The following GTF3C3 variants were observed in gnomAD, a reference collection of about 807,000 sequenced individuals.
GTF3C3 encodes general transcription factor 3C polypeptide 3.
A neutral mutation model predicts 105.2 loss-of-function variants in GTF3C3; 75 were observed. That is an observed-to-expected ratio of 0.71 (90% CI 0.59 to 0.86). GTF3C3 has a LOEUF of 0.86. Among genes scored for constraint, GTF3C3 ranks in the 40% least tolerant of loss-of-function variants. The pLI, the probability that GTF3C3 is intolerant of heterozygous loss-of-function variation, is 0.00. For missense variants in GTF3C3, 856 were observed against 1,076.5 expected, an observed-to-expected ratio of 0.80 and a Z score of 2.87; for synonymous variants, 335 against 370.4, an observed-to-expected ratio of 0.90 and a Z score of 1.10.
rs769931822 is a variant in GTF3C3, at chr2:196,775,148, T to C, written c.1799A>G (p.Asn600Ser). Residue 600 changes from asparagine to serine, a missense_variant, in exon 13 of 18, where the codon AAT becomes AGT. By Grantham distance (46) the Asn-to-Ser change is conservative (BLOSUM62 1). Coordinates refer to ENST00000263956, the MANE Select transcript of GTF3C3 (RefSeq NM_012086.5). Reference sequence around the variant, plus strand: ...ATCACAATTTGCTGACTCTTGGTCATTGCTGTCTGATATTTTGTCTCTCGA... The same window carrying C: ...ATCACAATTTGCTGACTCTTGGTCACTGCTGTCTGATATTTTGTCTCTCGA... ...KVSRDKISDS[N>S]DQESANCDAK... 3.7e-6 allele frequency: 6 copies of C among 1,613,182 alleles called. No homozygotes were observed. The highest frequency in any genetic ancestry group is 1.1e-5 in the South Asian group (1 of 91,012).
chr2:196,772,641 G>A (rs949750727), intron 14 of GTF3C3, among the ~76,000 whole-genome samples: 1 of 152,154 alleles, frequency 6.6e-6, no homozygotes, highest in African/African-American at 2.4e-5. Flanking sequence ...CCTATGAGAT[G>A]GCAGTATTAT....
At position 196,799,661 on chromosome 2, in the gene GTF3C3, A is replaced by T; in HGVS notation, c.-50T>A. The stretch of plus-strand genomic sequence containing the variant: ...CCCAGGAACCGGGACAGAGAACCGG[A>T]AGAGCAGCGCCTTCCAGAAGCTACC... On this transcript the variant is annotated 5_prime_UTR_variant, in exon 1 of 18. Coordinates refer to ENST00000263956, the MANE Select transcript of GTF3C3 (RefSeq NM_012086.5). 7.4e-7 allele frequency: 1 copy of T among 1,349,332 alleles called. No individual in the cohort carries two copies. Among genetic ancestry groups the T allele is most frequent in the Non-Finnish European group, 1.1e-6 (1 of 940,460 alleles). 83.6% of individuals were successfully genotyped at this position (1,349,332 alleles called of 1,614,324 possible). A position where few individuals can be genotyped will look rare whatever the true frequency, so the allele number is the denominator to read the frequency against.
In GTF3C3 at chr2:196,764,532, C is replaced by T; in HGVS notation, c.*31G>A. 6.3e-7 allele frequency: 1 copy of T among 1,591,104 alleles called. No individual in the cohort carries two copies. The highest frequency in any genetic ancestry group is 8.6e-7 in the Non-Finnish European group (1 of 1,165,700). ...GAAGACACTGGTCCTCACACAGCAG[C>T]TGCCATTGCTCTGTTCTCAGTTGCG... is the stretch of plus-strand genomic sequence containing the variant. On this transcript the variant is annotated 3_prime_UTR_variant, in exon 18 of 18. Transcript: ENST00000263956.
rs763649523 is a variant in GTF3C3, at chr2:196,776,407, C to A, written c.1593+20G>T. On this transcript the variant is annotated intron_variant, in intron 11 of 17. Transcript: ENST00000263956. The surrounding 1 kb of genome is among the most constrained non-coding windows in gnomAD (Gnocchi z 4.5). Reference sequence around the variant, plus strand: ...ATATAATATACCAAGAAAAACTTCCCTCTATGTGACATGGCCCACCTGCTG... The same window carrying A: ...ATATAATATACCAAGAAAAACTTCCATCTATGTGACATGGCCCACCTGCTG... 1.3e-6 allele frequency: 2 copies of A among 1,597,558 alleles called. No individual in the cohort carries two copies.
chr2:196,778,778 C>G, intron 10 of GTF3C3, 118 bp downstream of exon 10: 1 of 899,746 alleles, frequency 1.1e-6, no homozygotes. Context: ...TACTGACTTT[C>G]AAAAAACTCC....
chr2:196,771,346 A>G (rs1699171684), intron 15 of GTF3C3, among the ~76,000 whole-genome samples: 2 of 151,780 alleles, frequency 1.3e-5, no homozygotes, highest in East Asian at 1.9e-4. Context: ...AAAAGCATCC[A>G]TAATTAATGA....
At chr2:196,766,494 T>C (rs112897648) in intron 17 of GTF3C3, 71 bp downstream of exon 17, 1 of 1,150,352 alleles carries the variant, frequency 8.7e-7, no homozygotes, top group Non-Finnish European at 1.3e-6. Flanking sequence ...ATTTACTGGC[T>C]GGACTTAGCT....
At chr2:196,780,201 G>A in intron 9 of GTF3C3, 1 of 847,896 alleles carries the variant, frequency 1.2e-6, no homozygotes, top group African/African-American at 1.9e-5. Context: ...GGTTTACAAA[G>A]TAGATGCTAA....
At chr2:196,781,357 A>ATATCTATATATATATAT (rs1553578902) in intron 8 of GTF3C3, among the ~76,000 whole-genome samples, 1 of 18,812 alleles carries the variant, frequency 5.3e-5, no homozygotes, top group Non-Finnish European at 1.5e-4. Flanking sequence ...AAAAAAAAAA[A>ATATCTATATATATATAT]ATATATATAT....
At position 196,780,795 on chromosome 2, in the gene GTF3C3, T is replaced by TA. The variant is rs1156348589; in HGVS notation, c.1115-134dup. ...TTCTTAGTGTGGCCAACTCTATTAATAAGTTCTTATATCTCTCTCAGTCTG... is the reference window on the plus strand; with the variant it reads ...TTCTTAGTGTGGCCAACTCTATTAATAAAGTTCTTATATCTCTCTCAGTCTG... On this transcript the variant is annotated intron_variant, in intron 8 of 17. Transcript: ENST00000263956. The TA allele has an allele frequency of 1.3e-5, 13 of 1,036,878 alleles. No homozygotes were observed. In the African/African-American group the frequency reaches 1.6e-4, roughly 13 times the overall value. The allele number at this position is 1,036,878 out of a possible 1,614,324, so 64.2% of individuals were successfully genotyped here.
chr2:196,781,357 A>AATATATATATATATATATAT (rs1553578901), intron 8 of GTF3C3, among the ~76,000 whole-genome samples: 12 of 18,804 alleles, frequency 6.4e-4, no homozygotes, highest in Admixed American at 2.0e-3. Flanking sequence ...AAAAAAAAAA[A>AATATATATATATATATATAT]ATATATATAT....
intron 10 of GTF3C3, chr2:196,777,549 A>G (rs992082231): frequency 2.0e-5 from 3 of 152,156 alleles, no homozygotes; most frequent in Admixed American, 1.3e-4. Flanking sequence ...TGCTTTTTCA[A>G]ATCTCTCCTG....
At chr2:196,775,314 C>A in intron 12 of GTF3C3, 63 bp from the exon 13 acceptor site, 1 of 1,461,724 alleles carries the variant, frequency 6.8e-7, no homozygotes, top group Non-Finnish European at 9.3e-7. Context: ...GAGACAAAGT[C>A]TTGTTATGTT....
Position 196,793,961 on chromosome 2 carries a change from AT to A in GTF3C3, c.215-810del, listed in dbSNP as rs1438336875. Among the ~76,000 whole-genome samples the A allele has an allele frequency of 3.3e-5, 5 of 152,306 alleles. No homozygotes were observed. The East Asian group carries it at 9.6e-4, about 29-fold the overall frequency. On this transcript the variant is annotated intron_variant, in intron 2 of 17. Transcript: ENST00000263956. ...AATATCTGTCCCCTCCAAGTCTCAT[AT>A]GGAAATTTAATCCCCAATGTGCGAA...
chr2:196,787,839 G>A (rs1385604719), intron 6 of GTF3C3, among the ~76,000 whole-genome samples: 1 of 152,154 alleles, frequency 6.6e-6, no homozygotes, highest in African/African-American at 2.4e-5. Context: ...TAGTGCCAAA[G>A]ATATATTCAA....
intron 9 of GTF3C3, among the ~76,000 whole-genome samples, 170 bp from the exon 10 acceptor site, chr2:196,779,237 C>T (rs773076137): frequency 7.3e-5 from 11 of 151,512 alleles, no homozygotes; most frequent in Non-Finnish European, 1.5e-4. Context: ...AAGTGATTCT[C>T]GTGCCTTAGC....
At chr2:196,791,285 T>C in intron 4 of GTF3C3, 52 bp downstream of exon 4, 1 of 1,592,562 alleles carries the variant, frequency 6.3e-7, no homozygotes, top group Non-Finnish European at 8.6e-7. Context: ...CCCATTTGTT[T>C]TAAGTCAGAC....
intron 1 of GTF3C3, among the ~76,000 whole-genome samples, chr2:196,798,251 T>C (rs1486980726): frequency 1.3e-5 from 2 of 152,158 alleles, no homozygotes; most frequent in East Asian, 3.8e-4. Context: ...AAAAAATGAC[T>C]TGGTGGCTCA....
intron 3 of GTF3C3, 82 bp from the exon 4 acceptor site, chr2:196,791,542 A>G: frequency 1.6e-6 from 2 of 1,230,064 alleles, no homozygotes; most frequent in Admixed American, 2.5e-5. Flanking sequence ...TAAATATAGC[A>G]TATAATGAAA....
Sources: gnomAD v4.1 joint callset for allele counts (sites outside exome capture counted in the v4.1 genomes callset) on GRCh38, gnomAD v4.1.1 for gene constraint, Gnocchi (gnomAD v3.1) non-coding constraint, MANE v1.5 for transcripts, NCBI Gene and HGNC (gene_info 2026-07-23, HGNC 2026-07-21) for gene names.